Variants in ARL9 observed in about 807,000 individuals in gnomAD.
ARL9 encodes the protein ADP-ribosylation factor-like protein 9.
Under a neutral mutation model 27.0 loss-of-function variants are expected in ARL9, and 14 were observed. The observed-to-expected ratio is 0.52, with a 90% CI of 0.34 to 0.81. The LOEUF is 0.81. Ranked by LOEUF, ARL9 falls within the 30% of genes least tolerant of loss-of-function variation. ARL9 has a pLI of 0.01. For synonymous variants in ARL9, 106 were observed against 108.7 expected, an observed-to-expected ratio of 0.98 and a Z score of 0.15; for missense variants, 294 against 290.0, an observed-to-expected ratio of 1.01 and a Z score of -0.10.
At chr4:56,509,595 C>T (rs1373633392) in intron 1 of ARL9, among the ~76,000 whole-genome samples, 4 of 150,546 alleles carry the variant, frequency 2.7e-5, no homozygotes, top group African/African-American at 7.3e-5. Context: ...AGTGCAATGG[C>T]GTGATCTCGG....
At chr4:56,509,702 T>C (rs1022330615) in intron 1 of ARL9, among the ~76,000 whole-genome samples, 37 of 54,342 alleles carry the variant, frequency 6.8e-4, no homozygotes, top group Non-Finnish European at 1.2e-3. Context: ...ACTGGGCTAA[T>C]TTTTTTTTTT....
At position 56,518,876 on chromosome 4, in the gene ARL9, A is replaced by G. The variant is rs767020943; in HGVS notation, c.618+23A>G. ...CAGGTAAAAATCTGTGCAAATATAA[A>G]TTGTACTCAAGAGTTTTGTAATACA... On this transcript the variant is annotated intron_variant, in intron 3 of 3. Coordinates refer to ENST00000640821, the MANE Select transcript of ARL9 (RefSeq NM_001363794.2). 3.1e-6 allele frequency: 5 copies of G among 1,603,206 alleles called. No individual in the cohort carries two copies. In the South Asian group the frequency reaches 5.6e-5, roughly 18 times the overall value.
At chr4:56,512,978 T>C (rs1227676266) in intron 2 of ARL9, among the ~76,000 whole-genome samples, 1 of 152,218 alleles carries the variant, frequency 6.6e-6, no homozygotes, top group African/African-American at 2.4e-5. Flanking sequence ...CTTGTTTTGT[T>C]CAACAATGCA....
upstream of ARL9, chr4:56,505,416 C>G (rs1443137025): frequency 1.1e-5 from 5 of 458,052 alleles, no homozygotes; most frequent in Admixed American, 1.2e-4. Context: ...CACAGGCTGG[C>G]CGGTCTCGGG....
upstream of ARL9, chr4:56,505,784 G>A: frequency 7.4e-7 from 1 of 1,347,844 alleles, no homozygotes; most frequent in Non-Finnish European, 9.5e-7. Context: ...CGTGCACCTC[G>A]GGAGCCACAC....
At chr4:56,510,284 G>A (rs1252305877) in intron 1 of ARL9, among the ~76,000 whole-genome samples, 1 of 150,984 alleles carries the variant, frequency 6.6e-6, no homozygotes, top group Non-Finnish European at 1.5e-5. Flanking sequence ...GAACCCAGGA[G>A]GCGGAGGTTG....
chr4:56,523,667 T>C, intron 3 of ARL9, 30 bp from the exon 4 acceptor site: 1 of 1,574,120 alleles, frequency 6.4e-7, no homozygotes, highest in Non-Finnish European at 8.7e-7. Flanking sequence ...TAACCAACTT[T>C]GTCCTATTCT....
intron 1 of ARL9, among the ~76,000 whole-genome samples, chr4:56,510,449 G>T (rs1291785089): frequency 6.6e-6 from 1 of 151,626 alleles, no homozygotes; most frequent in Non-Finnish European, 1.5e-5. Context: ...TAATAATTGA[G>T]ACCTTAGATG....
chr4:56,523,729 C>A lies in ARL9; in HGVS notation c.651C>A (p.Ile217=). 3 of 1,613,800 alleles carry A rather than the reference C, an allele frequency of 1.9e-6. No homozygotes were observed. The highest frequency in any genetic ancestry group is 3.3e-5 in the Admixed American group (2 of 59,996). Reference sequence around the variant, plus strand: ...AAGCAGCCTATCACATTACAGATATCCATGAAGCTTTGGCATTATCTGAAG... The same window carrying A: ...AAGCAGCCTATCACATTACAGATATACATGAAGCTTTGGCATTATCTGAAG... ...DLEAAYHITD[I]HEALALSEVG... is the part of the protein sequence containing the mutation. The change falls in exon 4 of 4, where the codon ATC becomes ATA. Residue 217 remains isoleucine (I), a synonymous_variant. Coordinates refer to ENST00000640821, the MANE Select transcript of ARL9 (RefSeq NM_001363794.2).
chr4:56,513,295 G>T (rs1008460401), intron 2 of ARL9, among the ~76,000 whole-genome samples: 1 of 152,206 alleles, frequency 6.6e-6, no homozygotes, highest in African/African-American at 2.4e-5. Flanking sequence ...GTATGTTGGG[G>T]ATTGGTGGGA....
At chr4:56,521,618 A>G (rs193026633) in intron 3 of ARL9, among the ~76,000 whole-genome samples, 232 of 152,358 alleles carry the variant, frequency 1.5e-3, no homozygotes, top group African/African-American at 4.9e-3. Flanking sequence ...TTGCAGCTCT[A>G]CATCCTTGTC....
At chr4:56,508,490 G>C (rs10212643) in intron 1 of ARL9, among the ~76,000 whole-genome samples, 31,381 of 151,844 alleles carry the variant, frequency 0.21, 4,710 homozygotes, top group East Asian at 0.47. Context: ...TCAAGTGATT[G>C]TCCTGCCTTA....
At chr4:56,522,190 G>A (rs1180111413) in intron 3 of ARL9, among the ~76,000 whole-genome samples, 1 of 152,226 alleles carries the variant, frequency 6.6e-6, no homozygotes, top group East Asian at 1.9e-4. Flanking sequence ...GAAGGCCAAG[G>A]CGGGCGGAAC....
chr4:56,509,740 C>A (rs1312731583), intron 1 of ARL9, among the ~76,000 whole-genome samples: 1 of 133,698 alleles, frequency 7.5e-6, no homozygotes, highest in Non-Finnish European at 1.5e-5. Context: ...TGGAGCCTTG[C>A]TCTGTCGCCC....
intron 3 of ARL9, among the ~76,000 whole-genome samples, chr4:56,522,448 GA>G (rs532389399): frequency 0.017 from 2,443 of 145,850 alleles, 30 homozygotes; most frequent in African/African-American, 0.036. Context: ...TATGATACAG[GA>G]AAAAAAAAAG....
At chr4:56,515,883 T>G (rs1261494690) in intron 2 of ARL9, among the ~76,000 whole-genome samples, 4 of 152,210 alleles carry the variant, frequency 2.6e-5, no homozygotes, top group Non-Finnish European at 5.9e-5. Flanking sequence ...AATTGACGTT[T>G]AGATACAATT....
chr4:56,505,667 G>A, upstream of ARL9: 2 of 890,828 alleles, frequency 2.2e-6, no homozygotes, highest in Non-Finnish European at 3.3e-6. Flanking sequence ...TCAGCGAATC[G>A]GCTGCAAGAA....
intron 3 of ARL9, among the ~76,000 whole-genome samples, chr4:56,523,260 A>C (rs1443377315): frequency 6.6e-6 from 1 of 152,096 alleles, no homozygotes; most frequent in Non-Finnish European, 1.5e-5. Flanking sequence ...GTGGTGGCAC[A>C]CACCTGTAGT....
At position 56,511,281 on chromosome 4, in the gene ARL9, G is replaced by A; in HGVS notation, c.376G>A (p.Ala126Thr). The A allele has an allele frequency of 6.2e-7, 1 of 1,613,810 alleles. No individual in the cohort carries two copies. Among genetic ancestry groups the A allele is most frequent in the Non-Finnish European group, 8.5e-7 (1 of 1,179,818 alleles). ...LASNRVQHSV[A>T]PTQGFHAVCI... is the part of the protein sequence containing the mutation. ...TTCAAACAGAGTCCAGCACAGTGTGGCACCCACCCAAGGTTTCCATGCAGT... is the reference window on the plus strand; with the variant it reads ...TTCAAACAGAGTCCAGCACAGTGTGACACCCACCCAAGGTTTCCATGCAGT... Residue 126 changes from alanine (A) to threonine (T), a missense_variant, in exon 2 of 4, where the codon GCA (alanine) becomes ACA (threonine). Coordinates refer to ENST00000640821, the MANE Select transcript of ARL9 (RefSeq NM_001363794.2).
Sources: gnomAD v4.1 joint callset for allele counts (sites outside exome capture counted in the v4.1 genomes callset) on GRCh38, gnomAD v4.1.1 for gene constraint, MANE v1.5 for transcripts, NCBI Gene and HGNC (gene_info 2026-07-23, HGNC 2026-07-21) for gene names.